The following TMC1 variants were observed in gnomAD, a reference collection of about 807,000 sequenced individuals.
TMC1 encodes transmembrane channel-like protein 1.
TMC1 carries 84 observed loss-of-function variants against 105.8 expected under a neutral mutation model. The ratio of observed to expected loss-of-function variants is 0.79; its 90% CI spans 0.67 to 0.95. The LOEUF (loss-of-function observed/expected upper bound fraction) is 0.95, where lower values mean the gene tolerates loss of function less well. TMC1 is among the 40% of genes least tolerant of loss of function. The pLI is 0.00. For synonymous variants in TMC1, 315 were observed against 311.5 expected, an observed-to-expected ratio of 1.01 and a Z score of -0.12; for missense variants, 817 against 914.1, an observed-to-expected ratio of 0.89 and a Z score of 1.37.
At chr9:72,536,068 A>T (rs1016428611) in intron 1 of TMC1, among the ~76,000 whole-genome samples, 1 of 152,240 alleles carries the variant, frequency 6.6e-6, no homozygotes, top group African/African-American at 2.4e-5. Flanking sequence ...TCCTTCTCAC[A>T]TTCAAATACA....
At chr9:72,746,065 G>T (rs993192959) in intron 10 of TMC1, among the ~76,000 whole-genome samples, 1 of 152,074 alleles carries the variant, frequency 6.6e-6, no homozygotes, top group African/African-American at 2.4e-5. Context: ...CTATATAATT[G>T]CCTTCTCAAA....
At chr9:72,583,997 CCAGA>C (rs1461003004) in intron 2 of TMC1, among the ~76,000 whole-genome samples, 7 of 152,144 alleles carry the variant, frequency 4.6e-5, no homozygotes, top group African/African-American at 1.7e-4. Flanking sequence ...TTACCACGTG[CCAGA>C]CAAAGATGTT....
At chr9:72,835,820 A>C in intron 23 of TMC1, 131 bp from the exon 24 acceptor site, 2 of 931,202 alleles carry the variant, frequency 2.1e-6, no homozygotes, top group Admixed American at 4.7e-5. Context: ...ACATTTGGAC[A>C]ATACAGATTT....
At chr9:72,696,669 C>A (rs1250850540) in intron 7 of TMC1, among the ~76,000 whole-genome samples, 1 of 152,108 alleles carries the variant, frequency 6.6e-6, no homozygotes, top group Non-Finnish European at 1.5e-5. Context: ...GTAATGCTAA[C>A]TATCTTTGGA....
At chr9:72,652,440 C>T (rs1312636831) in intron 5 of TMC1, among the ~76,000 whole-genome samples, 1 of 151,972 alleles carries the variant, frequency 6.6e-6, no homozygotes, top group Non-Finnish European at 1.5e-5. Context: ...GCACCCTGAA[C>T]AACTTCAGCA....
At chr9:72,744,992 T>C (rs1827465936) in intron 10 of TMC1, among the ~76,000 whole-genome samples, 1 of 152,224 alleles carries the variant, frequency 6.6e-6, no homozygotes, top group Non-Finnish European at 1.5e-5. Context: ...TTCTAGTAAA[T>C]TTGGAAAGCC....
intron 2 of TMC1, among the ~76,000 whole-genome samples, chr9:72,615,673 C>T (rs1237673858): frequency 1.3e-5 from 2 of 152,010 alleles, no homozygotes; most frequent in East Asian, 3.9e-4. Context: ...CATCCTTTAG[C>T]ATTAAGTTGT....
intron 5 of TMC1, among the ~76,000 whole-genome samples, chr9:72,662,185 CTTTTTCTTTTT>C (rs1361837758): frequency 2.9e-5 from 4 of 139,306 alleles, no homozygotes; most frequent in Non-Finnish European, 6.1e-5. Flanking sequence ...TTTTCTTTTT[CTTTTTCTTTTT>C]TTTTTTTTGA....
At chr9:72,586,780 C>G (rs957190123) in intron 2 of TMC1, among the ~76,000 whole-genome samples, 1 of 152,240 alleles carries the variant, frequency 6.6e-6, no homozygotes, top group African/African-American at 2.4e-5. Flanking sequence ...CCCTACTTTT[C>G]TACCTGCTCT....
chr9:72,593,430 C>T (rs1415161569), intron 2 of TMC1, among the ~76,000 whole-genome samples: 3 of 151,630 alleles, frequency 2.0e-5, no homozygotes, highest in African/African-American at 7.3e-5. Flanking sequence ...CAGAGTGTTG[C>T]TCCTTTTGCC....
intron 2 of TMC1, among the ~76,000 whole-genome samples, chr9:72,579,048 T>A (rs1025256111): frequency 6.6e-6 from 1 of 152,246 alleles, no homozygotes; most frequent in African/African-American, 2.4e-5. Flanking sequence ...TACCTCTTTA[T>A]GCTATCTTGT....
chr9:72,834,793 C>T (rs1228444585), intron 23 of TMC1, among the ~76,000 whole-genome samples: 3 of 152,020 alleles, frequency 2.0e-5, no homozygotes, highest in Non-Finnish European at 4.4e-5. Context: ...TCATTTGTAC[C>T]AAGTGAAGCC....
At chr9:72,821,772 G>A (rs1828878080) in intron 20 of TMC1, among the ~76,000 whole-genome samples, 1 of 152,162 alleles carries the variant, frequency 6.6e-6, no homozygotes, top group Non-Finnish European at 1.5e-5. Context: ...GACGTGGTCA[G>A]CTATCACTAC....
chr9:72,650,894 A>ATATATATATATATC (rs1265125231), intron 5 of TMC1, among the ~76,000 whole-genome samples: 4 of 142,010 alleles, frequency 2.8e-5, no homozygotes, highest in African/African-American at 1.0e-4. Context: ...ATATATAGAT[A>ATATATATATATATC]TATATATAAA....
At chr9:72,769,074 A>G (rs1182621718) in intron 12 of TMC1, among the ~76,000 whole-genome samples, 1 of 152,216 alleles carries the variant, frequency 6.6e-6, no homozygotes, top group Admixed American at 6.5e-5. Context: ...AAAGCACAGG[A>G]GAAGCAGTAT....
chr9:72,598,808 A>G (rs1017774513), intron 2 of TMC1, among the ~76,000 whole-genome samples: 28 of 152,078 alleles, frequency 1.8e-4, no homozygotes, highest in African/African-American at 6.0e-4. Context: ...GAGGGGGAGG[A>G]CTTTGGACTT....
intron 2 of TMC1, among the ~76,000 whole-genome samples, chr9:72,600,699 GA>G (rs920622708): frequency 3.3e-5 from 5 of 151,288 alleles, no homozygotes; most frequent in East Asian, 1.9e-4. Context: ...ATTAAAAAAA[GA>G]AAAAAATTAA....
intron 2 of TMC1, among the ~76,000 whole-genome samples, chr9:72,597,250 A>T (rs1416144316): frequency 1.3e-5 from 2 of 152,258 alleles, no homozygotes; most frequent in African/African-American, 2.4e-5. Flanking sequence ...ACAGAAAGAA[A>T]GAATGATGCA....
chr9:72,655,192 G>T (rs745995633), intron 5 of TMC1, among the ~76,000 whole-genome samples: 11 of 152,108 alleles, frequency 7.2e-5, no homozygotes, highest in Non-Finnish European at 1.5e-4. Flanking sequence ...TTGTGAAGCA[G>T]GTGCCTGTTT....
Sources: gnomAD v4.1 joint callset for allele counts (sites outside exome capture counted in the v4.1 genomes callset) on GRCh38, gnomAD v4.1.1 for gene constraint, MANE v1.5 for transcripts, NCBI Gene and HGNC (gene_info 2026-07-23, HGNC 2026-07-21) for gene names.